The following FAR1 variants were observed in gnomAD, a reference collection of about 807,000 sequenced individuals.
FAR1 encodes the protein male sterility domain-containing protein 2.
FAR1 carries 22 observed loss-of-function variants against 61.1 expected under a neutral mutation model. That is an observed-to-expected ratio of 0.36 (90% CI 0.26 to 0.51). The LOEUF is 0.51. Ranked by LOEUF, FAR1 falls within the 20% of genes least tolerant of loss-of-function variation. FAR1 has a pLI of 0.95. For missense variants in FAR1, 359 were observed against 626.9 expected (o/e 0.57, Z 4.56); for synonymous variants, 206 against 209.7 (o/e 0.98, Z 0.15).
intron 4 of FAR1, among the ~76,000 whole-genome samples, chr11:13,708,431 ATGTG>A (rs1304847136): frequency 4.0e-5 from 5 of 123,576 alleles, no homozygotes; most frequent in African/African-American, 9.4e-5. Context: ...CCCCATATAC[ATGTG>A]CGCGCGCGCG....
Position 13,729,925 on chromosome 11 carries a change from G to T in FAR1, c.*1151G>T, listed in dbSNP as rs1204763917. 1 of 152,398 alleles carries T rather than the reference G, an allele frequency of 6.6e-6. No homozygotes were observed. Among genetic ancestry groups the T allele is most frequent in the Non-Finnish European group, 1.5e-5 (1 of 67,854 alleles). 9.4% of individuals were successfully genotyped at this position (152,398 alleles called of 1,614,324 possible). A position where few individuals can be genotyped will look rare whatever the true frequency, so the allele number is the denominator to read the frequency against. On this transcript the variant is annotated 3_prime_UTR_variant, in exon 12 of 12. Transcript: ENST00000354817. ...CATAAGGTAGCAAACTGTTGAATGA[G>T]TTTGAAGGTATCACTTATTTTTTAT... is the stretch of plus-strand genomic sequence containing the variant.
At chr11:13,671,514 G>A (rs1455935857) in intron 1 of FAR1, among the ~76,000 whole-genome samples, 1 of 152,114 alleles carries the variant, frequency 6.6e-6, no homozygotes, top group Non-Finnish European at 1.5e-5. Context: ...GGAGAATGAA[G>A]TGAAAGTAAG....
At position 13,672,822 on chromosome 11, in the gene FAR1, T is replaced by G. The variant is rs149728726; in HGVS notation, c.-8+4016T>G. Among the ~76,000 whole-genome samples, 219 of 152,330 alleles carry G rather than the reference T, an allele frequency of 1.4e-3. 1 individual carries two copies. The highest frequency in any genetic ancestry group is 5.1e-3 in the African/African-American group (211 of 41,590). On this transcript the variant is annotated intron_variant, in intron 1 of 11. Transcript: ENST00000354817. ...GATCAAGTTACTAACCCACCCTGAA[T>G]GGTGGAGATACAGTCTTTGTTTTCC...
chr11:13,686,319 T>A (rs1337228597), intron 1 of FAR1, among the ~76,000 whole-genome samples: 1 of 152,242 alleles, frequency 6.6e-6, no homozygotes, highest in Non-Finnish European at 1.5e-5. Flanking sequence ...TCTACCTGGC[T>A]GACCCATGGA....
In FAR1 at chr11:13,708,431, A is replaced by ACG. The variant is rs1212379726; in HGVS notation, c.545+352_545+353insCG. ...CTTCTCCTCACCCCACCCCATATAC[A>ACG]TGTGCGCGCGCGCGCGCACACACAC... On this transcript the variant is annotated intron_variant, in intron 4 of 11. Transcript: ENST00000354817. Among the ~76,000 whole-genome samples the ACG allele has an allele frequency of 9.5e-4, 118 of 123,574 alleles. 1 individual carries two copies. Among genetic ancestry groups the ACG allele is most frequent in the East Asian group, 2.4e-3 (10 of 4,248 alleles). The allele number at this position is 123,574 out of a possible 152,430, so 81.1% of individuals were successfully genotyped here.
chr11:13,709,618 GT>G (rs1443338910), intron 4 of FAR1, among the ~76,000 whole-genome samples: 1 of 151,098 alleles, frequency 6.6e-6, no homozygotes, highest in East Asian at 1.9e-4. Flanking sequence ...GTTTAGGCAG[GT>G]TTTTTTTTCC....
chr11:13,696,693 T>C (rs1208891218), intron 2 of FAR1, among the ~76,000 whole-genome samples: 1 of 152,192 alleles, frequency 6.6e-6, no homozygotes. Flanking sequence ...TGCCTTCAGT[T>C]ACCTCCTGGC....
rs74928820 is a variant in FAR1 at position 13,694,311 on chromosome 11, A to G, written c.-7-448A>G. On this transcript the variant is annotated intron_variant, in intron 1 of 11. Transcript: ENST00000354817. The stretch of plus-strand genomic sequence containing the variant: ...TTTCAATTGGTGTTGATACGCGAAT[A>G]TGACACCTCCAGTGTTACACAAGCT... Among the ~76,000 whole-genome samples, 3 of 152,290 alleles carry G rather than the reference A, an allele frequency of 2.0e-5. No individual in the cohort carries two copies. In the East Asian group the frequency reaches 5.8e-4, roughly 29 times the overall value.
intron 1 of FAR1, 122 bp downstream of exon 1, chr11:13,668,928 C>T (rs963809285): frequency 6.6e-6 from 1 of 151,942 alleles, no homozygotes; most frequent in African/African-American, 2.4e-5. Flanking sequence ...GACCAGCCGT[C>T]CCGCCCCCGC....
chr11:13,693,158 A>G (rs550900955), intron 1 of FAR1, among the ~76,000 whole-genome samples: 149 of 152,330 alleles, frequency 9.8e-4, no homozygotes, highest in Non-Finnish European at 1.9e-3. Flanking sequence ...TGGGCCACAC[A>G]TAAAATACAC....
intron 1 of FAR1, among the ~76,000 whole-genome samples, chr11:13,689,191 A>G (rs1262287017): frequency 6.6e-6 from 1 of 152,212 alleles, no homozygotes; most frequent in Non-Finnish European, 1.5e-5. Context: ...AATATAATAA[A>G]TTCAGAAAGT....
At chr11:13,716,358 A>AAC (rs1848556458) in intron 9 of FAR1, among the ~76,000 whole-genome samples, 1 of 152,224 alleles carries the variant, frequency 6.6e-6, no homozygotes, top group Non-Finnish European at 1.5e-5. Context: ...AGAAGCTAAA[A>AAC]ACAGCAACAG....
intron 1 of FAR1, among the ~76,000 whole-genome samples, chr11:13,670,549 C>T (rs562824346): frequency 1.1e-4 from 17 of 152,278 alleles, no homozygotes; most frequent in Middle Eastern, 3.4e-3. Flanking sequence ...GCCTCGGCCT[C>T]CCAAAGTGCT....
chr11:13,707,094 A>G (rs1184793342), intron 3 of FAR1, among the ~76,000 whole-genome samples: 1 of 152,152 alleles, frequency 6.6e-6, no homozygotes, highest in East Asian at 1.9e-4. Context: ...TTTAGTAGCT[A>G]TATTCTTTCA....
intron 1 of FAR1, among the ~76,000 whole-genome samples, chr11:13,683,510 T>C (rs1848152690): frequency 6.6e-6 from 1 of 152,164 alleles, no homozygotes; most frequent in African/African-American, 2.4e-5. Context: ...GTCCATTTGC[T>C]CAAAACTGTC....
Position 13,727,540 on chromosome 11 carries a change from T to G in FAR1, c.1258-16T>G, listed in dbSNP as rs1413823231. 1 of 1,569,824 alleles carries G rather than the reference T, an allele frequency of 6.4e-7. No individual in the cohort carries two copies. The highest frequency in any genetic ancestry group is 8.6e-7 in the Non-Finnish European group (1 of 1,161,982). On this transcript the variant is annotated splice_polypyrimidine_tract_variant and intron_variant, in intron 10 of 11. Transcript: ENST00000354817. The stretch of plus-strand genomic sequence containing the variant: ...ATTAGTCAAGAAAATAATCAGTAAT[T>G]TTTTTGTTAACGTAGACCTTCAATA...
rs995707095 is a variant in FAR1, at chr11:13,710,980, G to A, written c.723+110G>A. 30 of 912,708 alleles carry A rather than the reference G, an allele frequency of 3.3e-5. No homozygotes were observed. In the African/African-American group the frequency reaches 5.0e-4, roughly 15 times the overall value. 56.5% of individuals were successfully genotyped at this position (912,708 alleles called of 1,614,324 possible). On this transcript the variant is annotated intron_variant, in intron 5 of 11. Coordinates refer to ENST00000354817, the MANE Select transcript of FAR1 (RefSeq NM_032228.6). Reference sequence around the variant, plus strand: ...AGAACAGGTATTATTTACTAAAGGTGAATTACCATGGCAAAGCTGTTTTGT... The same window carrying A: ...AGAACAGGTATTATTTACTAAAGGTAAATTACCATGGCAAAGCTGTTTTGT...
chr11:13,700,660 T>C (rs1848361289), intron 3 of FAR1, 168 bp downstream of exon 3: 1 of 390,984 alleles, frequency 2.6e-6, no homozygotes. Context: ...TCTCTTCTTC[T>C]TCTCAGTTTA....
chr11:13,703,208 G>A (rs1256546635), intron 3 of FAR1, among the ~76,000 whole-genome samples: 2 of 152,094 alleles, frequency 1.3e-5, no homozygotes, highest in East Asian at 3.9e-4. Flanking sequence ...TTGAGATAGG[G>A]TCTCACCTTT....
Sources: allele counts gnomAD v4.1 joint callset (sites outside exome capture counted in the v4.1 genomes callset), GRCh38; gene constraint gnomAD v4.1.1; transcripts MANE v1.5; gene names NCBI Gene and HGNC (gene_info 2026-07-23, HGNC 2026-07-21).